The following MYL4 variants were observed in gnomAD, a reference collection of about 807,000 sequenced individuals.
The protein encoded by MYL4 is atrial myosin light chain 1.
Under a neutral mutation model 21.6 loss-of-function variants are expected in MYL4, and 16 were observed. The ratio of observed to expected loss-of-function variants is 0.74; its 90% confidence interval spans 0.50 to 1.12. MYL4 has a LOEUF of 1.12. MYL4 is among the 50% of genes most tolerant of loss of function. The probability of loss-of-function intolerance (pLI) is 0.00; values close to 1 mark genes in which losing one functional copy is unlikely to be tolerated. For missense variants in MYL4, 249 were observed against 252.9 expected (o/e 0.98, Z 0.11); for synonymous variants, 82 against 95.7 (o/e 0.86, Z 0.83).
chr17:47,222,484 G>T, intron 5 of MYL4, 27 bp downstream of exon 5: 1 of 1,612,172 alleles, frequency 6.2e-7, no homozygotes, highest in Non-Finnish European at 8.5e-7. Flanking sequence ...TGCATCCCAG[G>T]GCAGCCAGGG....
At chr17:47,210,138 C>G (rs16941662) in intron 1 of MYL4, among the ~76,000 whole-genome samples, 2 of 152,206 alleles carry the variant, frequency 1.3e-5, no homozygotes, top group African/African-American at 4.8e-5. Context: ...CTTACCCAGA[C>G]GGGCCTTTCC....
At chr17:47,206,432 T>A (rs568455799), upstream of MYL4, among the ~76,000 whole-genome samples, 1 of 152,190 alleles carries the variant, frequency 6.6e-6, no homozygotes, top group Non-Finnish European at 1.5e-5. Context: ...AATAACATAA[T>A]ACTAACTTGT....
intron 2 of MYL4, among the ~76,000 whole-genome samples, chr17:47,217,239 T>C (rs1238303316): frequency 6.6e-6 from 1 of 151,978 alleles, no homozygotes; most frequent in Non-Finnish European, 1.5e-5. Flanking sequence ...GGTGGATCAC[T>C]TGAGGTCATG....
At chr17:47,202,417 T>C (rs1195828714) in intron 1 of MYL4, among the ~76,000 whole-genome samples, 1 of 152,248 alleles carries the variant, frequency 6.6e-6, no homozygotes, top group African/African-American at 2.4e-5. Flanking sequence ...GTCGAAAAAG[T>C]AGATTCATAT....
upstream of MYL4, among the ~76,000 whole-genome samples, chr17:47,199,434 C>T (rs2064701487): frequency 6.6e-6 from 1 of 152,100 alleles, no homozygotes; most frequent in Admixed American, 6.5e-5. Flanking sequence ...GATCCTCCCG[C>T]CTTGGCCTCC....
upstream of MYL4, among the ~76,000 whole-genome samples, chr17:47,199,020 G>A (rs1187771164): frequency 6.7e-6 from 1 of 149,156 alleles, no homozygotes; most frequent in Non-Finnish European, 1.5e-5. Context: ...GGATCACGAG[G>A]TTGGGAGATC....
rs534117079 is a variant in MYL4 at position 47,218,340 on chromosome 17, C to T, written c.164-1564C>T. ...AAGAAGTACTTGGAAAGGATGAAAA[C>T]TGGCTTTTTTTCCTAAGTAGTTCAT... On this transcript the variant is annotated intron_variant, in intron 2 of 6. Transcript: ENST00000393450. 1.1e-4 allele frequency among the ~76,000 whole-genome samples: 16 copies of T among 152,278 alleles called. No individual in the cohort carries two copies. The South Asian group carries it at 1.2e-3, about 12-fold the overall frequency.
chr17:47,210,531 A>C (rs1367991548), intron 1 of MYL4, among the ~76,000 whole-genome samples: 2 of 152,128 alleles, frequency 1.3e-5, no homozygotes, highest in Non-Finnish European at 2.9e-5. Context: ...CAGGGATCTC[A>C]GCCTTAGGAC....
At chr17:47,210,733 G>GAGTTAAGGTGA (rs1429314358) in intron 1 of MYL4, among the ~76,000 whole-genome samples, 2 of 151,980 alleles carry the variant, frequency 1.3e-5, no homozygotes, top group African/African-American at 4.8e-5. Context: ...CAAGGGACAG[G>GAGTTAAGGTGA]AACTGCTTAG....
At chr17:47,222,570 AC>A (rs1567750305) in intron 5 of MYL4, 113 bp downstream of exon 5, 5 of 859,610 alleles carry the variant, frequency 5.8e-6, no homozygotes, top group Non-Finnish European at 9.3e-6. Flanking sequence ...GTTTTTGTAG[AC>A]CCCCCATTGG....
intron 3 of MYL4, among the ~76,000 whole-genome samples, chr17:47,221,322 G>A (rs2064854057): frequency 6.6e-6 from 1 of 152,160 alleles, no homozygotes; most frequent in Non-Finnish European, 1.5e-5. Context: ...TGAGTGTGAG[G>A]CCCGGGCCGC....
intron 2 of MYL4, among the ~76,000 whole-genome samples, chr17:47,216,830 G>T (rs1459022160): frequency 6.6e-6 from 1 of 151,984 alleles, no homozygotes; most frequent in East Asian, 1.9e-4. Flanking sequence ...GAGTAGCTGG[G>T]ATTGCAGGCA....
upstream of MYL4, among the ~76,000 whole-genome samples, chr17:47,208,349 G>A (rs115655713): frequency 6.6e-6 from 1 of 152,074 alleles, no homozygotes; most frequent in African/African-American, 2.4e-5. Context: ...TGGGAGAATC[G>A]CTTGAGCCAG....
chr17:47,214,031 C>T (rs1044988732), intron 2 of MYL4: 2 of 564,730 alleles, frequency 3.5e-6, no homozygotes, highest in African/African-American at 1.9e-5. Context: ...CTCATAACAA[C>T]ACCATGAGGT....
Position 47,219,949 on chromosome 17 carries a change from A to G in MYL4, c.209A>G (p.Glu70Gly). ...TTGTTTGACCGGACCCCGACTGGAG[A>G]GATGAAGATCACCTACGGCCAGTGC... ...FSLFDRTPTG[E>G]MKITYGQCGD... The change falls in exon 3 of 7, where the codon GAG becomes GGG. Residue 70 changes from glutamate (E) to glycine (G), a missense_variant. Glu to Gly is a moderately conservative substitution (Grantham distance 98). Coordinates refer to ENST00000393450, the MANE Select transcript of MYL4 (RefSeq NM_002476.2). 1 of 1,614,096 alleles carries G rather than the reference A, an allele frequency of 6.2e-7. No homozygotes were observed. Among genetic ancestry groups the G allele is most frequent in the Non-Finnish European group, 8.5e-7 (1 of 1,180,024 alleles).
At chr17:47,209,259 A>G, upstream of MYL4, 1 of 860,042 alleles carries the variant, frequency 1.2e-6, no homozygotes, top group Non-Finnish European at 1.8e-6. Flanking sequence ...TTCCTTTTAT[A>G]GTCAGCAGCA....
intron 1 of MYL4, among the ~76,000 whole-genome samples, chr17:47,201,329 T>C (rs113960885): frequency 0.016 from 2,458 of 152,290 alleles, 51 homozygotes; most frequent in African/African-American, 0.056. Context: ...GCTTTTTTTT[T>C]CCTCCCTCCT....
At chr17:47,222,939 G>A in intron 5 of MYL4, 75 bp from the exon 6 acceptor site, 3 of 1,563,902 alleles carry the variant, frequency 1.9e-6, no homozygotes, top group South Asian at 2.2e-5. Flanking sequence ...GTCAGGCAGT[G>A]TAGAGAAGGG....
At chr17:47,191,748 T>TA in the MYL4 span, among the ~76,000 whole-genome samples, 3 of 152,160 alleles carry the variant, frequency 2.0e-5, no homozygotes, top group Non-Finnish European at 4.4e-5. Flanking sequence ...GGATTACAGG[T>TA]GTGAGCCACT....
Sources: allele counts gnomAD v4.1 joint callset (sites outside exome capture counted in the v4.1 genomes callset), GRCh38; gene constraint gnomAD v4.1.1; transcripts MANE v1.5; gene names NCBI Gene and HGNC (gene_info 2026-07-23, HGNC 2026-07-21).